BPI: variants seen among roughly 807,000 people sequenced by gnomAD.
BPI encodes the protein bactericidal permeability-increasing protein.
A neutral mutation model predicts 57.6 loss-of-function variants in BPI; 48 were observed. The ratio of observed to expected loss-of-function variants is 0.83; its 90% confidence interval spans 0.66 to 1.06. The LOEUF (loss-of-function observed/expected upper bound fraction) is 1.06, where lower values mean the gene tolerates loss of function less well. Ranked by LOEUF, BPI falls within the 50% of genes least tolerant of loss-of-function variation. The pLI, the probability that BPI is intolerant of heterozygous loss-of-function variation, is 0.00. For missense variants in BPI, 651 were observed against 609.7 expected (o/e 1.07, Z -0.71); for synonymous variants, 237 against 238.2 (o/e 0.99, Z 0.05).
At position 38,311,909 on chromosome 20, in the gene BPI, C is replaced by T. The variant is rs543954563; in HGVS notation, c.572C>T (p.Ser191Phe). The change falls in exon 5 of 15, where the codon TCT becomes TTT. Residue 191 changes from serine to phenylalanine, a missense_variant. Physicochemically the swap from Ser to Phe is radical, Grantham distance 155. Coordinates refer to ENST00000642449, the MANE Select transcript of BPI (RefSeq NM_001725.3). The part of the protein sequence containing the change: ...LIQLFHKKIE[S>F]ALRNKMNSQV... The stretch of plus-strand genomic sequence containing the variant: ...CAACTCTTCCACAAAAAAATTGAGT[C>T]TGCGCTTCGAAACAAGATGAACAGC... 1.2e-6 allele frequency: 2 copies of T among 1,614,020 alleles called. No homozygotes were observed. The highest frequency in any genetic ancestry group is 4.5e-5 in the East Asian group (2 of 44,878).
In BPI at chr20:38,331,103, C is replaced by T. The variant is rs776594787; in HGVS notation, c.1272+13C>T. 3.1e-6 allele frequency: 5 copies of T among 1,613,754 alleles called. No individual in the cohort carries two copies. Among genetic ancestry groups the T allele is most frequent in the Non-Finnish European group, 3.4e-6 (4 of 1,179,668 alleles). ...TGGCCCCTTCCCGGTGAGTCTGAGGCCCTTGGTGGCTTCTTCCTCCTTCTG... is the reference window on the plus strand; with the variant it reads ...TGGCCCCTTCCCGGTGAGTCTGAGGTCCTTGGTGGCTTCTTCCTCCTTCTG... On this transcript the variant is annotated intron_variant, in intron 12 of 14. Transcript: ENST00000642449.
chr20:38,334,374 A>G, intron 12 of BPI, 56 bp from the exon 13 acceptor site: 14 of 1,515,908 alleles, frequency 9.2e-6, no homozygotes, highest in South Asian at 2.2e-5. Flanking sequence ...GGACTGCTGG[A>G]CCCGCAAGGT....
Position 38,327,771 on chromosome 20 carries a change from C to G in BPI, c.1229+116C>G, listed in dbSNP as rs568335952. The G allele has an allele frequency of 2.5e-6, 3 of 1,215,718 alleles. No homozygotes were observed. In the Admixed American group the frequency reaches 6.0e-5, roughly 24 times the overall value. The allele number at this position is 1,215,718 out of a possible 1,614,324, so 75.3% of individuals were successfully genotyped here. ...CATTGTTGTTTTCCTGTTGGCTCAT[C>G]ACATTAAAACCTCAAAGAGTGTGCG... On this transcript the variant is annotated intron_variant, in intron 11 of 14. Coordinates refer to ENST00000642449, the MANE Select transcript of BPI (RefSeq NM_001725.3).
chr20:38,317,562 T>C, intron 5 of BPI: 2 of 693,198 alleles, frequency 2.9e-6, no homozygotes, highest in Non-Finnish European at 5.4e-6. Flanking sequence ...GAGTGGGTTC[T>C]GCACAGCCTT....
At chr20:38,326,236 T>C (rs1448156299) in intron 9 of BPI, 29 bp from the exon 10 acceptor site, 3 of 1,590,856 alleles carry the variant, frequency 1.9e-6, no homozygotes, top group East Asian at 2.3e-5. Context: ...ACTCCTCCTT[T>C]CGTTGATTGT....
rs1454285748 is a variant in BPI at position 38,320,063 on chromosome 20, G to A, written c.665-120G>A. ...CCTTAAGGAGAGCTCCCTGGAGAAGGTGGGAATGAAACTTGCACTGCAGCT... is the reference window on the plus strand; with the variant it reads ...CCTTAAGGAGAGCTCCCTGGAGAAGATGGGAATGAAACTTGCACTGCAGCT... On this transcript the variant is annotated intron_variant, in intron 6 of 14. Coordinates refer to ENST00000642449, the MANE Select transcript of BPI (RefSeq NM_001725.3). 1.5e-5 allele frequency: 12 copies of A among 824,772 alleles called. No homozygotes were observed. In the Admixed American group the frequency reaches 2.5e-4, roughly 17 times the overall value. The allele number at this position is 824,772 out of a possible 1,614,324, so 51.1% of individuals were successfully genotyped here. A position where few individuals can be genotyped will look rare whatever the true frequency, so the allele number is the denominator to read the frequency against.
intron 1 of BPI, among the ~76,000 whole-genome samples, chr20:38,306,354 T>G (rs766933585): frequency 1.3e-5 from 2 of 152,196 alleles, no homozygotes; most frequent in Non-Finnish European, 2.9e-5. Flanking sequence ...AAATCTTAAG[T>G]GCCTTCAAAG....
chr20:38,323,772 G>A (rs1568815945), intron 7 of BPI, 98 bp from the exon 8 acceptor site: 5 of 1,343,112 alleles, frequency 3.7e-6, no homozygotes, highest in Non-Finnish European at 5.1e-6. Context: ...CTTTGCAAGT[G>A]TACAATTGGT....
intron 13 of BPI, among the ~76,000 whole-genome samples, chr20:38,335,228 A>T (rs950654163): frequency 1.3e-5 from 2 of 152,084 alleles, no homozygotes; most frequent in African/African-American, 4.8e-5. Context: ...CTCTGGCTTT[A>T]TCCTAAATGT....
chr20:38,312,141 C>A (rs1182732817), intron 5 of BPI, among the ~76,000 whole-genome samples: 1 of 152,120 alleles, frequency 6.6e-6, no homozygotes, highest in African/African-American at 2.4e-5. Context: ...ACAATCACTT[C>A]CCACACTCCC....
intron 1 of BPI, 117 bp downstream of exon 1, chr20:38,304,470 C>A (rs2076587836): frequency 2.2e-6 from 3 of 1,334,760 alleles, no homozygotes; most frequent in Non-Finnish European, 3.0e-6. Flanking sequence ...CAGGGCAGGT[C>A]CCCTTGCCCC....
intron 7 of BPI, among the ~76,000 whole-genome samples, chr20:38,322,285 A>G (rs2076690273): frequency 6.6e-6 from 1 of 152,248 alleles, no homozygotes; most frequent in South Asian, 2.1e-4. Context: ...TTGCTAGACC[A>G]AATGGCATAC....
chr20:38,333,086 C>T (rs1046509131), intron 12 of BPI, among the ~76,000 whole-genome samples: 3 of 152,108 alleles, frequency 2.0e-5, no homozygotes, highest in African/African-American at 7.2e-5. Flanking sequence ...GTCCCAGTGT[C>T]CCCTTCAAAT....
chr20:38,317,603 G>T (rs1027841509), intron 5 of BPI: 2 of 716,072 alleles, frequency 2.8e-6, no homozygotes, highest in South Asian at 1.5e-5. Context: ...TTACACAAAG[G>T]TCAGGTGTAT....
intron 1 of BPI, among the ~76,000 whole-genome samples, chr20:38,306,649 G>C (rs574164241): frequency 2.0e-5 from 3 of 152,120 alleles, no homozygotes; most frequent in African/African-American, 4.8e-5. Flanking sequence ...AATTTCTTAG[G>C]GAGCAAGAAT....
At chr20:38,331,245 G>A (rs948309610) in intron 12 of BPI, among the ~76,000 whole-genome samples, 155 bp downstream of exon 12, 1 of 152,166 alleles carries the variant, frequency 6.6e-6, no homozygotes, top group East Asian at 1.9e-4. Context: ...CGTGGGCAGA[G>A]GGACCTGAGC....
At position 38,305,953 on chromosome 20, in the gene BPI, G is replaced by A. The variant is rs561178323; in HGVS notation, c.130+1600G>A. Among the ~76,000 whole-genome samples the A allele has an allele frequency of 2.2e-3, 337 of 152,234 alleles. 4 individuals carry two copies. The highest frequency in any genetic ancestry group is 7.9e-3 in the African/African-American group (326 of 41,508). On this transcript the variant is annotated intron_variant, in intron 1 of 14. Transcript: ENST00000642449. ...AGGTAATGTGTCTGCCTTTTAATTG[G>A]TTCTTTGATGCTGTTAGCCACATTA...
chr20:38,318,063 G>A (rs1222052909), intron 5 of BPI: 1 of 982,500 alleles, frequency 1.0e-6, no homozygotes, highest in African/African-American at 1.8e-5. Context: ...ATTCCACAAA[G>A]GATCTGAGAC....
In BPI at chr20:38,324,915, T is replaced by A. The variant is rs1365407618; in HGVS notation, c.993+82T>A. The A allele has an allele frequency of 4.5e-6, 5 of 1,118,704 alleles. No individual in the cohort carries two copies. In the East Asian group the frequency reaches 1.2e-4, roughly 26 times the overall value. The allele number at this position is 1,118,704 out of a possible 1,614,324, so 69.3% of individuals were successfully genotyped here. On this transcript the variant is annotated intron_variant, in intron 9 of 14. Transcript: ENST00000642449. ...TTTGCTGAGTGGATGATGAGAGCCC[T>A]CCACCCAACATAACACACACAAGAT...
Sources: gnomAD v4.1 joint callset for allele counts (sites outside exome capture counted in the v4.1 genomes callset) on GRCh38, gnomAD v4.1.1 for gene constraint, MANE v1.5 for transcripts, NCBI Gene and HGNC (gene_info 2026-07-23, HGNC 2026-07-21) for gene names.